Variants in LRP8 observed in about 807,000 individuals in gnomAD.
The protein encoded by LRP8 is LDL receptor related protein 8, also known as low-density lipoprotein receptor-related protein 8.
Under a neutral mutation model 111.6 loss-of-function variants are expected in LRP8, and 46 were observed. The observed-to-expected ratio is 0.41, with a 90% CI of 0.33 to 0.53. The LOEUF (loss-of-function observed/expected upper bound fraction) is 0.53, where lower values mean the gene tolerates loss of function less well. LRP8 is among the 20% of genes least tolerant of loss of function. The pLI is 0.20. For missense variants in LRP8, 959 were observed against 1,297.4 expected, an observed-to-expected ratio of 0.74 and a Z score of 4.01; for synonymous variants, 464 against 511.2, an observed-to-expected ratio of 0.91 and a Z score of 1.24.
In LRP8 at chr1:53,311,580, G is replaced by A. The variant is rs375330303; in HGVS notation, c.244+15293C>T. On this transcript the variant is annotated intron_variant, in intron 2 of 18. Transcript: ENST00000306052. ...ACCACAGAGGAAGGAGCGATACTGCGTGGACCCTCCCTGCCCCCAGCCTCC... is the reference window on the plus strand; with the variant it reads ...ACCACAGAGGAAGGAGCGATACTGCATGGACCCTCCCTGCCCCCAGCCTCC... Among the ~76,000 whole-genome samples the A allele has an allele frequency of 1.1e-4, 17 of 152,124 alleles. 1 individual carries two copies. Among genetic ancestry groups the A allele is most frequent in the African/African-American group, 3.1e-4 (13 of 41,488 alleles).
At position 53,297,355 on chromosome 1, in the gene LRP8, G is replaced by A. The variant is rs190722577; in HGVS notation, c.245-7666C>T. ...ATCTGAGTCCAGAAGTCCACATGCGGACAGTCTCTGACTACTCAAGGCTCG... is the reference window on the plus strand; with the variant it reads ...ATCTGAGTCCAGAAGTCCACATGCGAACAGTCTCTGACTACTCAAGGCTCG... On this transcript the variant is annotated intron_variant, in intron 2 of 18. Coordinates refer to ENST00000306052, the MANE Select transcript of LRP8 (RefSeq NM_004631.5). Among the ~76,000 whole-genome samples the A allele has an allele frequency of 7.9e-5, 12 of 152,326 alleles. No homozygotes were observed. The East Asian group carries it at 2.3e-3, about 29-fold the overall frequency.
intron 3 of LRP8, among the ~76,000 whole-genome samples, chr1:53,286,945 C>T (rs910942596): frequency 1.3e-5 from 2 of 152,250 alleles, no homozygotes; most frequent in African/African-American, 4.8e-5. Context: ...AAGGCAGGTA[C>T]CATTACCACA....
rs2100422726 is a variant in LRP8 at position 53,277,097 on chromosome 1, C to T, written c.497-19G>A. On this transcript the variant is annotated intron_variant, in intron 4 of 18. Coordinates refer to ENST00000306052, the MANE Select transcript of LRP8 (RefSeq NM_004631.5). ...GCGCACACTGCGCGGGACAGAGAGC[C>T]GGTCGGCCCGCCGACCCCCTCCCCG... is the stretch of plus-strand genomic sequence containing the variant. 3 of 1,467,864 alleles carry T rather than the reference C, an allele frequency of 2.0e-6. No homozygotes were observed. Among genetic ancestry groups the T allele is most frequent in the African/African-American group, 2.9e-5 (2 of 68,738 alleles). 90.9% of individuals were successfully genotyped at this position (1,467,864 alleles called of 1,614,324 possible). A position where few individuals can be genotyped will look rare whatever the true frequency, so the allele number is the denominator to read the frequency against.
chr1:53,296,442 GGCCCTAA>G (rs1649732723), intron 2 of LRP8, among the ~76,000 whole-genome samples: 1 of 152,170 alleles, frequency 6.6e-6, no homozygotes, highest in Non-Finnish European at 1.5e-5. Context: ...GCCTGGCTCT[GGCCCTAA>G]GGCAGTTGGG....
intron 2 of LRP8, 84 bp downstream of exon 2, chr1:53,326,789 C>A: frequency 6.6e-7 from 1 of 1,521,558 alleles, no homozygotes. Flanking sequence ...AGCGCGGCGG[C>A]TGCAGCCACG....
At chr1:53,322,983 GT>G (rs1462843202) in intron 2 of LRP8, among the ~76,000 whole-genome samples, 1 of 152,134 alleles carries the variant, frequency 6.6e-6, no homozygotes. Context: ...TAACAAAAGA[GT>G]CCAAAGAAGC....
chr1:53,248,858 C>T (rs900029740), intron 18 of LRP8, among the ~76,000 whole-genome samples: 10 of 152,226 alleles, frequency 6.6e-5, no homozygotes, highest in Non-Finnish European at 1.3e-4. Context: ...TGCTCTCACA[C>T]GTGCTATCTC....
chr1:53,264,937 C>T (rs1310416359), intron 9 of LRP8, among the ~76,000 whole-genome samples: 3 of 152,050 alleles, frequency 2.0e-5, no homozygotes, highest in African/African-American at 7.2e-5. Context: ...GAGTACCACG[C>T]CAAGGAATTA....
At position 53,272,595 on chromosome 1, in the gene LRP8, C is replaced by G. The variant is rs1021693607; in HGVS notation, c.1007-1249G>C. 3.1e-6 allele frequency: 4 copies of G among 1,290,032 alleles called. No homozygotes were observed. The African/African-American group carries it at 4.6e-5, about 15-fold the overall frequency. The allele number at this position is 1,290,032 out of a possible 1,614,324, so 79.9% of individuals were successfully genotyped here. On this transcript the variant is annotated intron_variant, in intron 6 of 18. Transcript: ENST00000306052. ...AGCCTGAGCCATGCTTAGGGAATAA[C>G]CCCTTTACCCCTGGGCCTCCTCCTG...
At position 53,244,586 on chromosome 1, in the gene LRP8, G is replaced by T. The variant is rs991916184; in HGVS notation, c.*2432C>A. On this transcript the variant is annotated 3_prime_UTR_variant, in exon 19 of 19. Transcript: ENST00000306052. ...CCATTGCTGCCTCTTTCAAACTGCA[G>T]TTGTAGCATATGCAGGAAACATGAA... The T allele has an allele frequency of 1.3e-5, 2 of 152,340 alleles. No individual in the cohort carries two copies. The highest frequency in any genetic ancestry group is 1.5e-5 in the Non-Finnish European group (1 of 68,036). The allele number at this position is 152,340 out of a possible 1,614,324, so 9.4% of individuals were successfully genotyped here. A position where few individuals can be genotyped will look rare whatever the true frequency, so the allele number is the denominator to read the frequency against.
At chr1:53,274,401 G>T (rs1646852135) in intron 6 of LRP8, among the ~76,000 whole-genome samples, 1 of 152,238 alleles carries the variant, frequency 6.6e-6, no homozygotes, top group Non-Finnish European at 1.5e-5. Context: ...AAGAGAGAAA[G>T]TTCCAGAAGG....
chr1:53,273,695 G>A (rs11811978), intron 6 of LRP8, among the ~76,000 whole-genome samples: 55,372 of 151,888 alleles, frequency 0.36, 10,948 homozygotes, highest in East Asian at 0.69. Flanking sequence ...TGGAGGCAGA[G>A]GGAGTGTCTA....
At chr1:53,311,950 A>T (rs1653079114) in intron 2 of LRP8, among the ~76,000 whole-genome samples, 1 of 152,200 alleles carries the variant, frequency 6.6e-6, no homozygotes, top group African/African-American at 2.4e-5. Context: ...GGCCTTGTCG[A>T]CTGCAGAGAC....
intron 16 of LRP8, 33 bp downstream of exon 16, chr1:53,255,084 C>T (rs1395481904): frequency 1.2e-6 from 2 of 1,611,042 alleles, no homozygotes; most frequent in South Asian, 2.2e-5. Flanking sequence ...CAGGGTCTCT[C>T]TTTTCTCTTC....
intron 2 of LRP8, among the ~76,000 whole-genome samples, chr1:53,321,544 T>C (rs534845681): frequency 6.6e-6 from 1 of 152,236 alleles, no homozygotes; most frequent in South Asian, 2.1e-4. Context: ...GGGCTCTCGC[T>C]CCTCACTGCC....
At chr1:53,320,729 T>G (rs1303547718) in intron 2 of LRP8, among the ~76,000 whole-genome samples, 5 of 152,062 alleles carry the variant, frequency 3.3e-5, no homozygotes, top group Admixed American at 6.5e-5. Context: ...ACAGGGTCCC[T>G]CCCCAGTCCC....
chr1:53,326,930 C>G lies in LRP8; in HGVS notation c.187G>C (p.Val63Leu), dbSNP rs933993594. The change falls in exon 2 of 19, where the codon GTG (valine) becomes CTG (leucine). Residue 63 changes from valine (V) to leucine (L), a missense_variant. Around this residue, in one of 3 missense-constraint regions of LRP8, gnomAD observed 97 missense variants for 107.5 expected, o/e 0.90. Transcript: ENST00000306052. ...TCATCGTCCTCGTCGCATCTCCACA[C>G]AGAGGGGATGCAGCGCTCGTTCCGG... ...QCRNERCIPS[V>L]WRCDEDDDCL... The G allele has an allele frequency of 6.2e-7, 1 of 1,613,946 alleles. No homozygotes were observed. The highest frequency in any genetic ancestry group is 8.5e-7 in the Non-Finnish European group (1 of 1,179,980).
rs371741020 is a variant in LRP8 at position 53,262,038 on chromosome 1, T to C, written c.1914+30A>G. On this transcript the variant is annotated intron_variant, in intron 12 of 18. Transcript: ENST00000306052. The surrounding 1 kb of genome is among the most constrained non-coding windows in gnomAD (Gnocchi z 4.8). ...CATTTTCTAGGCTTCAGCTTCCTAG[T>C]GGGCCCTTGCCTCTCCTTACAGGAC... is the stretch of plus-strand genomic sequence containing the variant. 9.3e-6 allele frequency: 15 copies of C among 1,609,358 alleles called. No homozygotes were observed. Among genetic ancestry groups the C allele is most frequent in the East Asian group, 2.2e-5 (1 of 44,790 alleles).
chr1:53,306,509 C>T (rs930397747), intron 2 of LRP8, among the ~76,000 whole-genome samples: 3 of 152,238 alleles, frequency 2.0e-5, no homozygotes, highest in Admixed American at 6.5e-5. Flanking sequence ...AGCTCTACCC[C>T]CCGAGCTGCT....
Sources: allele counts gnomAD v4.1 joint callset (sites outside exome capture counted in the v4.1 genomes callset), GRCh38; gene constraint gnomAD v4.1.1; regional missense constraint gnomAD v4.1.1; non-coding constraint Gnocchi (gnomAD v3.1); transcripts MANE v1.5; gene names NCBI Gene and HGNC (gene_info 2026-07-23, HGNC 2026-07-21).